The following NLRP8 variants were observed in gnomAD, a reference collection of about 807,000 sequenced individuals.
NLRP8 encodes the protein NLR family pyrin domain containing 8.
A neutral mutation model predicts 88.7 loss-of-function variants in NLRP8; 86 were observed. That is an observed-to-expected ratio of 0.97 (90% confidence interval 0.81 to 1.16). The LOEUF (loss-of-function observed/expected upper bound fraction) is 1.16. Ranked by LOEUF, NLRP8 falls within the 50% of genes most tolerant of loss-of-function variation. The pLI, the probability that NLRP8 is intolerant of heterozygous loss-of-function variation, is 0.00. For synonymous variants in NLRP8, 504 were observed against 494.6 expected (o/e 1.02, Z -0.25); for missense variants, 1,342 against 1,286.5 (o/e 1.04, Z -0.66).
intron 2 of NLRP8, among the ~76,000 whole-genome samples, chr19:55,952,901 T>A (rs1265606292): frequency 6.6e-6 from 1 of 151,524 alleles, no homozygotes; most frequent in Non-Finnish European, 1.5e-5. Context: ...CACTCTTGGG[T>A]GACAGATTGA....
Position 55,955,372 on chromosome 19 carries a change from A to G in NLRP8, c.1314A>G (p.Arg438=), listed in dbSNP as rs138591327. Residue 438 remains arginine (R), a synonymous_variant, in exon 3 of 10, where the codon AGA becomes AGG. Transcript: ENST00000291971. ...ATATTTCTAGCTTGTTTCCCACCAG[A>G]GCTGAGAACTTTTCCAGAAAGATCC... The G allele has an allele frequency of 5.9e-5, 95 of 1,614,020 alleles. No individual in the cohort carries two copies. The Middle Eastern group carries it at 1.2e-3, about 20-fold the overall frequency.
chr19:55,970,503 C>T (rs1568465615), intron 5 of NLRP8, 41 bp from the exon 6 acceptor site: 1 of 1,607,808 alleles, frequency 6.2e-7, no homozygotes, highest in East Asian at 2.2e-5. Flanking sequence ...GTACCATTTT[C>T]CCCAGAACCA....
intron 3 of NLRP8, among the ~76,000 whole-genome samples, chr19:55,960,685 G>A (rs1235800390): frequency 1.3e-5 from 2 of 152,102 alleles, no homozygotes; most frequent in African/African-American, 2.4e-5. Flanking sequence ...TTTGACGGAT[G>A]TGAAAATGGA....
chr19:55,979,629 A>C (rs1253485861), intron 9 of NLRP8, 65 bp downstream of exon 9: 1 of 1,571,886 alleles, frequency 6.4e-7, no homozygotes. Flanking sequence ...GTAAAACGTG[A>C]GATGCTGGGC....
chr19:55,979,927 G>T (rs1980504096), intron 9 of NLRP8, among the ~76,000 whole-genome samples: 1 of 152,088 alleles, frequency 6.6e-6, no homozygotes. Context: ...TCTTAAAATA[G>T]AAAGTGAGAT....
chr19:55,957,442 T>C (rs533177390), intron 3 of NLRP8, among the ~76,000 whole-genome samples: 1 of 151,764 alleles, frequency 6.6e-6, no homozygotes, highest in East Asian at 1.9e-4. Context: ...TCCCAGCACT[T>C]TGGGAGGCCG....
chr19:55,962,208 G>A lies in NLRP8; in HGVS notation c.2184G>A (p.Arg728=), dbSNP rs760462675. 2 of 1,613,948 alleles carry A rather than the reference G, an allele frequency of 1.2e-6. No homozygotes were observed. The highest frequency in any genetic ancestry group is 1.7e-6 in the Non-Finnish European group (2 of 1,179,976). The change falls in exon 4 of 10, where the codon AGG becomes AGA. Residue 728 remains arginine, a synonymous_variant. Coordinates refer to ENST00000291971, the MANE Select transcript of NLRP8 (RefSeq NM_176811.2). Reference sequence around the variant, plus strand: ...TGAAGGCTCTCGCGGCCGCACTGAGGCACCCTCAGTGCAAACTGCAAAAGC... The same window carrying A: ...TGAAGGCTCTCGCGGCCGCACTGAGACACCCTCAGTGCAAACTGCAAAAGC...
Position 55,948,068 on chromosome 19 carries a change from T to C in NLRP8, c.166T>C (p.Phe56Leu). 1 of 1,613,994 alleles carries C rather than the reference T, an allele frequency of 6.2e-7. No individual in the cohort carries two copies. Among genetic ancestry groups the C allele is most frequent in the Non-Finnish European group, 8.5e-7 (1 of 1,180,002 alleles). The stretch of plus-strand genomic sequence containing the variant: ...CGTGAGCCATGAGGAGCTACAACGG[T>C]TCAAGCAGCTCTTACTGACTGAGCT... The change falls in exon 1 of 10, where the codon TTC (phenylalanine) becomes CTC (leucine). Residue 56 changes from phenylalanine (F) to leucine (L), a missense_variant. Coordinates refer to ENST00000291971, the MANE Select transcript of NLRP8 (RefSeq NM_176811.2).
At chr19:55,987,357 G>T (rs1353411768) in intron 9 of NLRP8, among the ~76,000 whole-genome samples, 2 of 152,226 alleles carry the variant, frequency 1.3e-5, no homozygotes, top group Non-Finnish European at 2.9e-5. Flanking sequence ...GTGACAGAGT[G>T]AGACTTCGTC....
intron 5 of NLRP8, among the ~76,000 whole-genome samples, chr19:55,968,136 C>A (rs1979922434): frequency 6.6e-6 from 1 of 152,108 alleles, no homozygotes; most frequent in Non-Finnish European, 1.5e-5. Flanking sequence ...ATTTTTTTAA[C>A]CATTTAAAAA....
rs267605703 is a variant in NLRP8 at position 55,955,111 on chromosome 19, C to A, written c.1053C>A (p.Leu351=). Residue 351 remains leucine, a synonymous_variant, in exon 3 of 10, where the codon CTC becomes CTA. Transcript: ENST00000291971. ...AGCCCTTGCTGAAATGTCCCTCTCT[C>A]GTAACCCTTCCGGGGTTTAATACGA... 2 of 1,613,990 alleles carry A rather than the reference C, an allele frequency of 1.2e-6. No homozygotes were observed. Among genetic ancestry groups the A allele is most frequent in the Admixed American group, 1.7e-5 (1 of 60,006 alleles).
chr19:55,964,235 G>T (rs1052846839), intron 4 of NLRP8, among the ~76,000 whole-genome samples: 1 of 152,156 alleles, frequency 6.6e-6, no homozygotes, highest in Admixed American at 6.5e-5. Flanking sequence ...TACTGAGTGC[G>T]TACTATGTGA....
intron 9 of NLRP8, among the ~76,000 whole-genome samples, chr19:55,980,302 C>G (rs306473): frequency 0.37 from 55,560 of 152,094 alleles, 10,715 homozygotes; most frequent in Non-Finnish European, 0.43. Flanking sequence ...AACACAGTGC[C>G]TAACACATGT....
Position 55,988,130 on chromosome 19 carries a change from C to A in NLRP8, c.*217C>A. On this transcript the variant is annotated 3_prime_UTR_variant, in exon 10 of 10. Transcript: ENST00000291971. ...ATGTAAGGCTGGGCGTGGTGGCTCA[C>A]GCCTGTAACCCAGCACTATGGGAGG... 1 of 431,182 alleles carries A rather than the reference C, an allele frequency of 2.3e-6. No individual in the cohort carries two copies. 26.7% of individuals were successfully genotyped at this position (431,182 alleles called of 1,614,324 possible).
chr19:55,973,891 T>A, intron 7 of NLRP8, 69 bp downstream of exon 7: 4 of 1,434,856 alleles, frequency 2.8e-6, no homozygotes, highest in Non-Finnish European at 1.9e-6. Flanking sequence ...GAACCTGTTA[T>A]ATATTCATTT....
Position 55,966,233 on chromosome 19 carries a change from C to A in NLRP8, c.2234C>A (p.Thr745Asn). The A allele has an allele frequency of 1.9e-6, 3 of 1,614,072 alleles. No homozygotes were observed. The highest frequency in any genetic ancestry group is 2.5e-6 in the Non-Finnish European group (3 of 1,179,960). ...TCCAGCCTAAGGCGTGTGAATAGCA[C>A]CATGTTGAACCAGGACTTAATCGGT... Residue 745 changes from threonine to asparagine, a missense_variant, in exon 5 of 10, where the codon ACC becomes AAC. Transcript: ENST00000291971.
chr19:55,970,487 CTACAGG>C, intron 5 of NLRP8, 51 bp from the exon 6 acceptor site: 1 of 1,591,654 alleles, frequency 6.3e-7, no homozygotes, highest in South Asian at 1.1e-5. Flanking sequence ...CCAGGAGGTC[CTACAGG>C]TACCATTTTC....
chr19:55,954,541 T>A lies in NLRP8; in HGVS notation c.483T>A (p.Phe161Leu). Residue 161 changes from phenylalanine (F) to leucine (L), a missense_variant, in exon 3 of 10, where the codon TTT becomes TTA. Physicochemically the swap from Phe to Leu is conservative, Grantham distance 22. Coordinates refer to ENST00000291971, the MANE Select transcript of NLRP8 (RefSeq NM_176811.2). ...ATAAATCGAATGTGATGGAAAAGTT[T>A]TTCCCCATATGGGACATTACGACTT... The A allele has an allele frequency of 6.2e-7, 1 of 1,613,784 alleles. No homozygotes were observed. Among genetic ancestry groups the A allele is most frequent in the Non-Finnish European group, 8.5e-7 (1 of 1,179,930 alleles).
chr19:55,972,493 T>C (rs1327890053), intron 6 of NLRP8, among the ~76,000 whole-genome samples: 2 of 152,000 alleles, frequency 1.3e-5, no homozygotes, highest in South Asian at 2.1e-4. Context: ...AAATAAGCTT[T>C]TTCGTGGTGA....
Sources: gnomAD v4.1 joint callset for allele counts (sites outside exome capture counted in the v4.1 genomes callset) on GRCh38, gnomAD v4.1.1 for gene constraint, MANE v1.5 for transcripts, NCBI Gene and HGNC (gene_info 2026-07-23, HGNC 2026-07-21) for gene names.